CCDC88A: variants seen among roughly 807,000 people sequenced by gnomAD.
CCDC88A encodes the protein girdin.
CCDC88A carries 54 observed loss-of-function variants against 234.3 expected under a neutral mutation model. The observed-to-expected ratio is 0.23, with a 90% CI of 0.19 to 0.29. The LOEUF (loss-of-function observed/expected upper bound fraction) is 0.29. Among genes scored for constraint, CCDC88A ranks in the 10% least tolerant of loss-of-function variants. CCDC88A has a pLI of 1.00. For synonymous variants in CCDC88A, 753 were observed against 737.8 expected, an observed-to-expected ratio of 1.02 and a Z score of -0.33; for missense variants, 1,832 against 2,123.4, an observed-to-expected ratio of 0.86 and a Z score of 2.70.
intron 5 of CCDC88A, among the ~76,000 whole-genome samples, chr2:55,371,079 T>C (rs1672778359): frequency 6.6e-6 from 1 of 152,202 alleles, no homozygotes; most frequent in South Asian, 2.1e-4. Flanking sequence ...CACCAAGCAA[T>C]AACCAGCAAT....
At chr2:55,405,077 A>G (rs2104959391) in intron 2 of CCDC88A, 1 of 152,374 alleles carries the variant, frequency 6.6e-6, no homozygotes, top group East Asian at 1.9e-4. Context: ...AAGATTTTAA[A>G]ATACTGTATT....
chr2:55,301,938 C>G lies in CCDC88A; in HGVS notation c.4606G>C (p.Ala1536Pro), dbSNP rs746478618. Residue 1536 changes from alanine (A) to proline (P), a missense_variant, in exon 27 of 33, where the codon GCC becomes CCC. By Grantham distance (27) the Ala-to-Pro change is conservative. Transcript: ENST00000436346. Reference protein sequence around the residue: ...ELGAMAFSTTAINFSTVNSSA... With the variant: ...ELGAMAFSTTPINFSTVNSSA... ...GAGTTGACAGTTGAAAAGTTGATGG[C>G]TGTAGTAGAGAAGGCCATAGCTCCC... The G allele has an allele frequency of 6.2e-7, 1 of 1,614,192 alleles. No homozygotes were observed. Among genetic ancestry groups the G allele is most frequent in the Admixed American group, 1.7e-5 (1 of 60,028 alleles).
intron 29 of CCDC88A, among the ~76,000 whole-genome samples, chr2:55,298,690 T>A (rs77959804): frequency 0.05 from 7,657 of 151,890 alleles, 277 homozygotes; most frequent in Admixed American, 0.081. Context: ...GGCAACATGT[T>A]AGAAACCCTG....
intron 22 of CCDC88A, chr2:55,314,053 T>C (rs1682667656): frequency 6.6e-6 from 1 of 152,166 alleles, no homozygotes; most frequent in Admixed American, 6.5e-5. Context: ...GAGGTGGAAG[T>C]GATGGTGTAA....
chr2:55,411,641 C>T (rs565277197), intron 2 of CCDC88A, among the ~76,000 whole-genome samples: 1 of 151,700 alleles, frequency 6.6e-6, no homozygotes, highest in African/African-American at 2.4e-5. Flanking sequence ...TCACCAGGCA[C>T]GGTGGTGGGC....
intron 29 of CCDC88A, among the ~76,000 whole-genome samples, chr2:55,298,602 A>G (rs1235059577): frequency 6.6e-6 from 1 of 152,154 alleles, no homozygotes; most frequent in Non-Finnish European, 1.5e-5. Context: ...TACAGAGAGT[A>G]ACTATGATAT....
chr2:55,360,774 C>G (rs560857979), intron 7 of CCDC88A, among the ~76,000 whole-genome samples: 2 of 152,130 alleles, frequency 1.3e-5, no homozygotes, highest in East Asian at 3.9e-4. Flanking sequence ...ACATTTTATA[C>G]GCACCCATCA....
intron 10 of CCDC88A, among the ~76,000 whole-genome samples, chr2:55,345,103 A>C (rs990337288): frequency 3.3e-5 from 5 of 152,216 alleles, no homozygotes; most frequent in Non-Finnish European, 5.9e-5. Flanking sequence ...TTTCTAAACT[A>C]AAGTCTAGAA....
rs762340512 is a variant in CCDC88A, at chr2:55,388,868, A to T, written c.183T>A (p.Ser61Arg). 7.0e-7 allele frequency: 1 copy of T among 1,419,690 alleles called. No individual in the cohort carries two copies. The highest frequency in any genetic ancestry group is 9.7e-7 in the Non-Finnish European group (1 of 1,028,070). The allele number at this position is 1,419,690 out of a possible 1,614,324, so 87.9% of individuals were successfully genotyped here. The change falls in exon 3 of 33, where the codon AGT (serine) becomes AGA (arginine). Residue 61 changes from serine (S) to arginine (R), a missense_variant. This residue lies in a region of CCDC88A where 84 missense variants were observed against 80.9 expected (regional missense o/e 1.04). Transcript: ENST00000436346. ...VMLQINPKLE[S>R]QRVNKKVNND... ...TATTGACTTTTTTATTTACTCTCTG[A>T]CTCTCCAATTTAGGATTACTGTAAG...
intron 2 of CCDC88A, among the ~76,000 whole-genome samples, chr2:55,415,807 G>C (rs547249034): frequency 8.5e-5 from 13 of 152,164 alleles, no homozygotes; most frequent in Admixed American, 1.3e-4. Flanking sequence ...TATTCAGAGG[G>C]GTTTTGCCTC....
chr2:55,339,598 A>G lies in CCDC88A; in HGVS notation c.1384T>C (p.Leu462=), dbSNP rs150728434. Reference sequence around the variant, plus strand: ...TGATTTTCCATCTCTAGCTTCAATAATCTACTTGATGTCAACTCATTCACC... The same window carrying G: ...TGATTTTCCATCTCTAGCTTCAATAGTCTACTTGATGTCAACTCATTCACC... The part of the protein sequence containing the change: ...HEVNELTSSR[L]LKLEMENQSL... Residue 462 remains leucine (L), a synonymous_variant, in exon 13 of 33, where the codon TTA becomes CTA. Coordinates refer to ENST00000436346, the MANE Select transcript of CCDC88A (RefSeq NM_001365480.1). 6.9e-5 allele frequency: 111 copies of G among 1,613,430 alleles called. No individual in the cohort carries two copies. Among genetic ancestry groups the G allele is most frequent in the Non-Finnish European group, 8.9e-5 (105 of 1,179,826 alleles).
chr2:55,370,664 A>AG lies in CCDC88A; in HGVS notation c.402+1787_402+1788insC, dbSNP rs1461983666. On this transcript the variant is annotated intron_variant, in intron 5 of 32. Coordinates refer to ENST00000436346, the MANE Select transcript of CCDC88A (RefSeq NM_001365480.1). The stretch of plus-strand genomic sequence containing the variant: ...CTCAAAAAAAAAAAAAAAAAAAAAA[A>AG]AAAGAGAATTAACTTGCATATAATT... Among the ~76,000 whole-genome samples, 33 of 140,510 alleles carry AG rather than the reference A, an allele frequency of 2.3e-4. 2 individuals are homozygous for AG. Among genetic ancestry groups the AG allele is most frequent in the South Asian group, 7.0e-4 (3 of 4,310 alleles). 92.2% of individuals were successfully genotyped at this position (140,510 alleles called of 152,430 possible).
At chr2:55,368,449 TC>T (rs1010593833) in intron 5 of CCDC88A, among the ~76,000 whole-genome samples, 1 of 150,982 alleles carries the variant, frequency 6.6e-6, no homozygotes, top group African/African-American at 2.5e-5. Flanking sequence ...TCTCTCTCTT[TC>T]CCCCCTCCCT....
rs1491582360 is a variant in CCDC88A, at chr2:55,384,589, A to ACG, written c.273+4188_273+4189insCG. Among the ~76,000 whole-genome samples, 36 of 22,042 alleles carry ACG rather than the reference A, an allele frequency of 1.6e-3. 6 individuals are homozygous for ACG. The highest frequency in any genetic ancestry group is 9.2e-3 in the African/African-American group (35 of 3,814). 14.5% of individuals were successfully genotyped at this position (22,042 alleles called of 152,430 possible). ...TATATACGTATATATGTGTATATATACACATATATACGTATATATGTGTAT... is the reference window on the plus strand; with the variant it reads ...TATATACGTATATATGTGTATATATACGCACATATATACGTATATATGTGTAT... On this transcript the variant is annotated intron_variant, in intron 3 of 32. Transcript: ENST00000436346.
At chr2:55,358,224 G>C (rs1670843913) in intron 7 of CCDC88A, among the ~76,000 whole-genome samples, 1 of 152,164 alleles carries the variant, frequency 6.6e-6, no homozygotes, top group South Asian at 2.1e-4. Flanking sequence ...ATTTGCAATA[G>C]AGGTATTATG....
At chr2:55,369,903 C>A (rs1300072576) in intron 5 of CCDC88A, among the ~76,000 whole-genome samples, 1 of 152,160 alleles carries the variant, frequency 6.6e-6, no homozygotes, top group Non-Finnish European at 1.5e-5. Context: ...TTACTCTTGT[C>A]TTCTCTAAAA....
At chr2:55,410,799 G>A (rs183967770) in intron 2 of CCDC88A, among the ~76,000 whole-genome samples, 3 of 152,030 alleles carry the variant, frequency 2.0e-5, no homozygotes, top group Non-Finnish European at 2.9e-5. Context: ...AGGCTGAGGT[G>A]AGAGGATCGT....
chr2:55,307,976 CTTTTTT>C (rs35845333), intron 25 of CCDC88A: 3 of 98,290 alleles, frequency 3.1e-5, no homozygotes, highest in Non-Finnish European at 6.4e-5. Flanking sequence ...TTCTTTCTTT[CTTTTTT>C]TTTTTTTTTT....
chr2:55,293,879 C>T (rs1252949001), intron 31 of CCDC88A: 2 of 146,822 alleles, frequency 1.4e-5, no homozygotes, highest in Non-Finnish European at 3.0e-5. Context: ...AATAAAAGTT[C>T]TTTGCACTGG....
Sources: allele counts gnomAD v4.1 joint callset (sites outside exome capture counted in the v4.1 genomes callset), GRCh38; gene constraint gnomAD v4.1.1; regional missense constraint gnomAD v4.1.1; transcripts MANE v1.5; gene names NCBI Gene and HGNC (gene_info 2026-07-23, HGNC 2026-07-21).